RAPGEF1: variants seen among roughly 807,000 people sequenced by gnomAD.
The protein encoded by RAPGEF1 is CRK SH3-binding GNRP.
A neutral mutation model predicts 143.3 loss-of-function variants in RAPGEF1; 33 were observed. The ratio of observed to expected loss-of-function variants is 0.23; its 90% CI spans 0.17 to 0.31. RAPGEF1 has a LOEUF of 0.31. Ranked by LOEUF, RAPGEF1 falls within the 10% of genes least tolerant of loss-of-function variation. RAPGEF1 has a pLI of 1.00. For missense variants in RAPGEF1, 1,199 were observed against 1,645.4 expected, an observed-to-expected ratio of 0.73 and a Z score of 4.69; for synonymous variants, 629 against 676.5, an observed-to-expected ratio of 0.93 and a Z score of 1.09.
At chr9:131,639,765 C>A (rs1404443781) in intron 4 of RAPGEF1, among the ~76,000 whole-genome samples, 1 of 151,836 alleles carries the variant, frequency 6.6e-6, no homozygotes, top group African/African-American at 2.4e-5. Context: ...GATTTAGGAG[C>A]CAAAGATATA....
chr9:131,613,981 C>T (rs368945486), intron 12 of RAPGEF1, among the ~76,000 whole-genome samples: 4 of 152,276 alleles, frequency 2.6e-5, no homozygotes, highest in East Asian at 1.9e-4. Context: ...CTACGTACTA[C>T]GTGAGCTACG....
intron 1 of RAPGEF1, among the ~76,000 whole-genome samples, chr9:131,734,080 C>G (rs1332435619): frequency 6.6e-6 from 1 of 152,166 alleles, no homozygotes; most frequent in Non-Finnish European, 1.5e-5. Context: ...TGTAGTGAGC[C>G]TCCCTTAATT....
At chr9:131,674,372 T>C (rs893931405) in intron 1 of RAPGEF1, among the ~76,000 whole-genome samples, 7 of 152,210 alleles carry the variant, frequency 4.6e-5, no homozygotes, top group Non-Finnish European at 7.3e-5. Context: ...ATAGGCGCCC[T>C]GCAGAGCACG....
chr9:131,586,304 T>A (rs1588182237), intron 22 of RAPGEF1, among the ~76,000 whole-genome samples: 1 of 68,412 alleles, frequency 1.5e-5, no homozygotes, highest in African/African-American at 6.6e-5. Context: ...CCAGACTCCG[T>A]CTCAAACACA....
rs980837352 is a variant in RAPGEF1, at chr9:131,655,634, T to C, written c.62-4685A>G. ...AGCCAGGCCTGGTGGTACATGCCTA[T>C]AGTCCCAGCTACTCGGGAGGCTGAG... On this transcript the variant is annotated intron_variant, in intron 1 of 26. Transcript: ENST00000683357. This position sits in a 1 kb window ranked among gnomAD's most constrained non-coding sequence, Gnocchi z 4.1. 1.3e-5 allele frequency among the ~76,000 whole-genome samples: 2 copies of C among 152,224 alleles called. No homozygotes were observed. The highest frequency in any genetic ancestry group is 2.4e-5 in the African/African-American group (1 of 41,448).
chr9:131,599,971 A>G (rs946938960), intron 15 of RAPGEF1, among the ~76,000 whole-genome samples: 1 of 152,124 alleles, frequency 6.6e-6, no homozygotes, highest in Non-Finnish European at 1.5e-5. Context: ...TACAAAAACT[A>G]GCTGGGCGTG....
intron 5 of RAPGEF1, 78 bp from the exon 6 acceptor site, chr9:131,630,402 C>G: frequency 7.4e-7 from 1 of 1,349,196 alleles, no homozygotes. Context: ...CAGGTGCTGT[C>G]TGTCCTCTGC....
At chr9:131,714,334 T>C (rs887814513) in intron 1 of RAPGEF1, among the ~76,000 whole-genome samples, 2 of 152,066 alleles carry the variant, frequency 1.3e-5, no homozygotes, top group African/African-American at 4.8e-5. Context: ...AGGAGATTTT[T>C]TTTTTTTTTT....
intron 4 of RAPGEF1, 138 bp from the exon 5 acceptor site, chr9:131,638,929 A>G: frequency 1.2e-6 from 1 of 801,728 alleles, no homozygotes; most frequent in Non-Finnish European, 1.9e-6. Flanking sequence ...TAATAAGCAA[A>G]CTTCTCCCAT....
Position 131,579,451 on chromosome 9 carries a change from GC to G in RAPGEF1, c.*45del. ...CAAGGTCCTCTCCGGTCTGGGAGCT[GC>G]CCTCTGCGCCCCTCGAGCATTCTCC... On this transcript the variant is annotated 3_prime_UTR_variant, in exon 27 of 27. Coordinates refer to ENST00000683357, the MANE Select transcript of RAPGEF1 (RefSeq NM_001377935.1). The G allele has an allele frequency of 1.9e-6, 3 of 1,601,410 alleles. No homozygotes were observed. Among genetic ancestry groups the G allele is most frequent in the Non-Finnish European group, 2.6e-6 (3 of 1,172,760 alleles).
At chr9:131,670,131 T>C (rs1440623901) in intron 1 of RAPGEF1, among the ~76,000 whole-genome samples, 2 of 152,154 alleles carry the variant, frequency 1.3e-5, no homozygotes, top group African/African-American at 4.8e-5. Context: ...GACCCTGGAT[T>C]TGAATCAGTT....
chr9:131,610,681 A>G (rs1202516706), intron 12 of RAPGEF1, among the ~76,000 whole-genome samples: 1 of 152,214 alleles, frequency 6.6e-6, no homozygotes, highest in African/African-American at 2.4e-5. Flanking sequence ...CGGAGAATCA[A>G]TGGGAGCCAC....
chr9:131,587,065 AACAC>A (rs748456950), intron 22 of RAPGEF1, among the ~76,000 whole-genome samples: 1 of 41,898 alleles, frequency 2.4e-5, no homozygotes, highest in Non-Finnish European at 4.2e-5. Flanking sequence ...CTCCGTCTCA[AACAC>A]ACACACACAC....
At chr9:131,660,193 AACAG>A (rs1973650830) in intron 1 of RAPGEF1, among the ~76,000 whole-genome samples, 1 of 152,216 alleles carries the variant, frequency 6.6e-6, no homozygotes, top group Non-Finnish European at 1.5e-5. Context: ...TTCCTGTTAA[AACAG>A]AGGGAAAACA....
At chr9:131,703,296 G>A (rs1306039167) in intron 1 of RAPGEF1, among the ~76,000 whole-genome samples, 3 of 152,142 alleles carry the variant, frequency 2.0e-5, no homozygotes, top group African/African-American at 2.4e-5. Flanking sequence ...CATCATGCCC[G>A]GTCATTTATG....
intron 18 of RAPGEF1, among the ~76,000 whole-genome samples, chr9:131,590,636 C>T (rs2132268895): frequency 6.6e-6 from 1 of 152,356 alleles, no homozygotes; most frequent in African/African-American, 2.4e-5. Flanking sequence ...ATCGACTCCC[C>T]AGATCTCTCT....
chr9:131,681,448 T>A (rs1832902603), intron 1 of RAPGEF1, among the ~76,000 whole-genome samples: 1 of 152,248 alleles, frequency 6.6e-6, no homozygotes, highest in Non-Finnish European at 1.5e-5. Context: ...CTTTTCATTT[T>A]AAATTACTCA....
intron 1 of RAPGEF1, among the ~76,000 whole-genome samples, chr9:131,711,661 C>T (rs973943593): frequency 3.9e-5 from 6 of 152,208 alleles, no homozygotes; most frequent in Non-Finnish European, 8.8e-5. Context: ...CCCAGCCCTT[C>T]ATCACTTTTA....
At chr9:131,610,191 C>T (rs1370156896) in intron 12 of RAPGEF1, among the ~76,000 whole-genome samples, 1 of 152,210 alleles carries the variant, frequency 6.6e-6, no homozygotes, top group Non-Finnish European at 1.5e-5. Context: ...CCATCGTGCC[C>T]AGCAGGAAAG....
Sources: allele counts gnomAD v4.1 joint callset (sites outside exome capture counted in the v4.1 genomes callset), GRCh38; gene constraint gnomAD v4.1.1; non-coding constraint Gnocchi (gnomAD v3.1); transcripts MANE v1.5; gene names NCBI Gene and HGNC (gene_info 2026-07-23, HGNC 2026-07-21).